Variants in SRD5A1 observed in about 807,000 individuals in gnomAD.
SRD5A1 encodes steroid 5 alpha-reductase 1.
In SRD5A1, 22 loss-of-function variants were observed where a neutral mutation model predicts 28.2. That is an observed-to-expected ratio of 0.78 (90% CI 0.56 to 1.12). The LOEUF (loss-of-function observed/expected upper bound fraction) is 1.12, where lower values mean the gene tolerates loss of function less well. Among genes scored for constraint, SRD5A1 ranks in the 50% most tolerant of loss-of-function variants. SRD5A1 has a pLI of 0.00. For missense variants in SRD5A1, 300 were observed against 346.7 expected, an observed-to-expected ratio of 0.87 and a Z score of 1.07; for synonymous variants, 151 against 135.0, an observed-to-expected ratio of 1.12 and a Z score of -0.82.
chr5:6,654,200 A>G (rs1738767910), intron 2 of SRD5A1, among the ~76,000 whole-genome samples: 1 of 151,804 alleles, frequency 6.6e-6, no homozygotes, highest in Non-Finnish European at 1.5e-5. Flanking sequence ...CTATAGGTGC[A>G]TGCCACTATG....
chr5:6,663,871 A>G (rs1467941061), intron 4 of SRD5A1, among the ~76,000 whole-genome samples: 9 of 151,918 alleles, frequency 5.9e-5, no homozygotes, highest in African/African-American at 2.2e-4. Context: ...AAAAAAAAAG[A>G]AAAAAGGAAA....
At position 6,633,625 on chromosome 5, in the gene SRD5A1, G is replaced by C. The variant is rs760934578; in HGVS notation, c.49G>C (p.Ala17Pro). 1.3e-6 allele frequency: 2 copies of C among 1,538,104 alleles called. No individual in the cohort carries two copies. The highest frequency in any genetic ancestry group is 2.4e-5 in the South Asian group (2 of 84,530). The change falls in exon 1 of 5, where the codon GCC becomes CCC. Residue 17 changes from alanine to proline, a missense_variant. By Grantham distance (27) the Ala-to-Pro change is conservative. Transcript: ENST00000274192. The stretch of plus-strand genomic sequence containing the variant: ...GGAGGAGCGCCTGCTGGCCGCGCTC[G>C]CCTACCTGCAGTGCGCCGTGGGCTG... ...VAEERLLAAL[A>P]YLQCAVGCAV...
intron 1 of SRD5A1, among the ~76,000 whole-genome samples, chr5:6,650,707 A>G (rs1238009804): frequency 6.6e-6 from 1 of 150,578 alleles, no homozygotes; most frequent in African/African-American, 2.4e-5. Context: ...TTAGTTACAT[A>G]TGTATACATG....
At position 6,662,917 on chromosome 5, in the gene SRD5A1, G is replaced by C. The variant is rs772215185; in HGVS notation, c.664G>C (p.Ala222Pro). The C allele has an allele frequency of 2.5e-6, 4 of 1,613,960 alleles. No individual in the cohort carries two copies. In the African/African-American group the frequency reaches 5.3e-5, roughly 22 times the overall value. Residue 222 changes from alanine (A) to proline (P), a missense_variant, in exon 4 of 5, where the codon GCT becomes CCT. Ala to Pro is a conservative substitution (Grantham distance 27). This residue lies in a region of SRD5A1 where 126 missense variants were observed against 185.7 expected (regional missense o/e 0.68). Coordinates refer to ENST00000274192, the MANE Select transcript of SRD5A1 (RefSeq NM_001047.4). ...ASWSVQGAAF[A>P]FFTFCFLSGR... ...CTGGTCTGTCCAAGGCGCGGCTTTT[G>C]CTTTCTTCACGTTTTGTTTTTTATC...
At chr5:6,659,328 T>A (rs921890984) in intron 3 of SRD5A1, among the ~76,000 whole-genome samples, 1 of 151,940 alleles carries the variant, frequency 6.6e-6, no homozygotes, top group African/African-American at 2.4e-5. Context: ...TTAGCCAGGA[T>A]GGTCTCGATC....
At chr5:6,641,746 G>T (rs534301300) in intron 1 of SRD5A1, among the ~76,000 whole-genome samples, 5 of 152,340 alleles carry the variant, frequency 3.3e-5, no homozygotes, top group Admixed American at 1.3e-4. Context: ...TTATCCTGAG[G>T]TTCTTTGTGA....
intron 4 of SRD5A1, among the ~76,000 whole-genome samples, chr5:6,666,426 G>A (rs922277391): frequency 6.6e-6 from 1 of 152,168 alleles, no homozygotes; most frequent in Non-Finnish European, 1.5e-5. Context: ...GGAATTACAG[G>A]CGTCAGCCAC....
At chr5:6,659,188 A>T (rs1239119387) in intron 3 of SRD5A1, among the ~76,000 whole-genome samples, 1 of 149,594 alleles carries the variant, frequency 6.7e-6, no homozygotes, top group Non-Finnish European at 1.5e-5. Context: ...ATCTCGGCTC[A>T]CTGCAAGCTC....
At chr5:6,641,140 C>T (rs575007457) in intron 1 of SRD5A1, among the ~76,000 whole-genome samples, 12 of 152,274 alleles carry the variant, frequency 7.9e-5, no homozygotes, top group African/African-American at 2.9e-4. Flanking sequence ...ACCTTCCTTG[C>T]TATCTGAAAT....
At chr5:6,666,055 A>G (rs889551215) in intron 4 of SRD5A1, among the ~76,000 whole-genome samples, 4 of 152,232 alleles carry the variant, frequency 2.6e-5, no homozygotes, top group African/African-American at 9.6e-5. Context: ...ACTCCTTTTT[A>G]AAAAATATTT....
At chr5:6,655,325 A>T (rs1460558205) in intron 2 of SRD5A1, among the ~76,000 whole-genome samples, 2 of 152,114 alleles carry the variant, frequency 1.3e-5, no homozygotes, top group African/African-American at 4.8e-5. Context: ...CCTTTTCTTG[A>T]TGGAATTAAT....
chr5:6,656,031 T>C, intron 2 of SRD5A1, 47 bp from the exon 3 acceptor site: 1 of 1,456,038 alleles, frequency 6.9e-7, no homozygotes, highest in South Asian at 1.1e-5. Flanking sequence ...CGTAGTGAAA[T>C]TTTACGGTTT....
At chr5:6,653,733 A>C (rs535857339) in intron 2 of SRD5A1, among the ~76,000 whole-genome samples, 11 of 152,322 alleles carry the variant, frequency 7.2e-5, no homozygotes, top group Admixed American at 6.5e-4. Flanking sequence ...CATGGGACTC[A>C]CCTCTATGGT....
chr5:6,635,435 G>A lies in SRD5A1; in HGVS notation c.293+1566G>A, dbSNP rs574004339. Among the ~76,000 whole-genome samples, 8 of 152,250 alleles carry A rather than the reference G, an allele frequency of 5.3e-5. No homozygotes were observed. The South Asian group carries it at 1.2e-3, about 24-fold the overall frequency. On this transcript the variant is annotated intron_variant, in intron 1 of 4. Coordinates refer to ENST00000274192, the MANE Select transcript of SRD5A1 (RefSeq NM_001047.4). The stretch of plus-strand genomic sequence containing the variant: ...TATGTCTGTTTCTTTATGGCTAAAA[G>A]CAATCTCAGGTCAGAGTATTCGGTG...
chr5:6,651,858 T>G lies in SRD5A1; in HGVS notation c.310T>G (p.Phe104Val). ...HYGHRCLIYP[F>V]LMRGGKPMPL... Reference sequence around the variant, plus strand: ...TTTCCTAAGGTGCTTAATTTACCCATTTCTGATGCGAGGAGGAAAGCCTAT... The same window carrying G: ...TTTCCTAAGGTGCTTAATTTACCCAGTTCTGATGCGAGGAGGAAAGCCTAT... Residue 104 changes from phenylalanine (F) to valine (V), a missense_variant, in exon 2 of 5, where the codon TTT (phenylalanine) becomes GTT (valine). This residue lies in a region of SRD5A1 where 174 missense variants were observed against 160.9 expected (regional missense o/e 1.08). Coordinates refer to ENST00000274192, the MANE Select transcript of SRD5A1 (RefSeq NM_001047.4). The G allele has an allele frequency of 2.5e-6, 4 of 1,610,672 alleles. No homozygotes were observed. Among genetic ancestry groups the G allele is most frequent in the Non-Finnish European group, 3.4e-6 (4 of 1,178,188 alleles).
chr5:6,662,901 C>A lies in SRD5A1; in HGVS notation c.648C>A (p.Val216=), dbSNP rs754609951. The stretch of plus-strand genomic sequence containing the variant: ...GCTATGCCCTGGCCAGCTGGTCTGT[C>A]CAAGGCGCGGCTTTTGCTTTCTTCA... ...WCGYALASWS[V]QGAAFAFFTF... is the part of the protein sequence containing the mutation. The change falls in exon 4 of 5, where the codon GTC becomes GTA. Residue 216 remains valine, a synonymous_variant. Coordinates refer to ENST00000274192, the MANE Select transcript of SRD5A1 (RefSeq NM_001047.4). 5 of 1,613,712 alleles carry A rather than the reference C, an allele frequency of 3.1e-6. No individual in the cohort carries two copies. The African/African-American group carries it at 4.0e-5, about 13-fold the overall frequency.
At position 6,673,615 on chromosome 5, in the gene SRD5A1, C is replaced by T. The variant is rs1385613432; in HGVS notation, c.*5347C>T. The T allele has an allele frequency of 6.6e-6, 1 of 152,206 alleles. No individual in the cohort carries two copies. Among genetic ancestry groups the T allele is most frequent in the Admixed American group, 6.5e-5 (1 of 15,278 alleles). The allele number at this position is 152,206 out of a possible 1,614,324, so 9.4% of individuals were successfully genotyped here. On this transcript the variant is annotated 3_prime_UTR_variant, in exon 5 of 5. Coordinates refer to ENST00000274192, the MANE Select transcript of SRD5A1 (RefSeq NM_001047.4). ...CAAAGGAGTTGAAAACATGTCCACACAGAAAACCTGCACATGAATGTTTAT... is the reference window on the plus strand; with the variant it reads ...CAAAGGAGTTGAAAACATGTCCACATAGAAAACCTGCACATGAATGTTTAT...
chr5:6,658,595 G>A (rs937276404), intron 3 of SRD5A1, among the ~76,000 whole-genome samples: 1 of 152,192 alleles, frequency 6.6e-6, no homozygotes, highest in Non-Finnish European at 1.5e-5. Context: ...CTCTCAGGCA[G>A]CAGGAGGTGA....
At chr5:6,634,771 G>C (rs968026586) in intron 1 of SRD5A1, among the ~76,000 whole-genome samples, 1 of 152,234 alleles carries the variant, frequency 6.6e-6, no homozygotes, top group African/African-American at 2.4e-5. Context: ...AAAACTGGCT[G>C]TGTCTGAAAT....
Sources: gnomAD v4.1 joint callset for allele counts (sites outside exome capture counted in the v4.1 genomes callset) on GRCh38, gnomAD v4.1.1 for gene constraint, gnomAD v4.1.1 regional missense constraint, MANE v1.5 for transcripts, NCBI Gene and HGNC (gene_info 2026-07-23, HGNC 2026-07-21) for gene names.